Variants in ARL15 observed in about 807,000 individuals in gnomAD.
The protein encoded by ARL15 is ARF like GTPase 15, also known as ADP-ribosylation factor-like protein 15.
In ARL15, 19 loss-of-function variants were observed where a neutral mutation model predicts 25.2. That is an observed-to-expected ratio of 0.75 (90% CI 0.53 to 1.10). The LOEUF (loss-of-function observed/expected upper bound fraction) is 1.10. ARL15 is among the 50% of genes least tolerant of loss of function. The pLI is 0.00. For synonymous variants in ARL15, 94 were observed against 86.8 expected (o/e 1.08, Z -0.46); for missense variants, 220 against 246.0 (o/e 0.89, Z 0.71).
intron 4 of ARL15, among the ~76,000 whole-genome samples, chr5:54,071,751 T>C (rs570600486): frequency 6.6e-6 from 1 of 151,818 alleles, no homozygotes; most frequent in East Asian, 1.9e-4. Context: ...GTGGGCAGAT[T>C]ACGAGGTCAG....
At chr5:54,160,704 T>C (rs966905019) in intron 2 of ARL15, among the ~76,000 whole-genome samples, 1 of 152,180 alleles carries the variant, frequency 6.6e-6, no homozygotes, top group African/African-American at 2.4e-5. Flanking sequence ...TTTAAGTATC[T>C]TTTAAAAATT....
intron 1 of ARL15, among the ~76,000 whole-genome samples, chr5:54,217,084 CCA>C (rs1417296976): frequency 1.3e-5 from 2 of 151,898 alleles, no homozygotes; most frequent in Non-Finnish European, 2.9e-5. Flanking sequence ...AACAGTTAAG[CCA>C]CAGTTTTCTT....
intron 1 of ARL15, among the ~76,000 whole-genome samples, chr5:54,237,234 C>T (rs958770395): frequency 5.9e-5 from 9 of 152,214 alleles, no homozygotes; most frequent in African/African-American, 2.2e-4. Flanking sequence ...TTGCCTGCCA[C>T]CATGCAAGGC....
rs75382024 is a variant in ARL15 at position 53,912,682 on chromosome 5, T to A, written c.463-25969A>T. On this transcript the variant is annotated intron_variant, in intron 4 of 4. Coordinates refer to ENST00000504924, the MANE Select transcript of ARL15 (RefSeq NM_019087.3). Reference sequence around the variant, plus strand: ...GATATGATCAAGGTTGATTGGTGGCTTCCCACATATCATGTGAGGTCCACA... The same window carrying A: ...GATATGATCAAGGTTGATTGGTGGCATCCCACATATCATGTGAGGTCCACA... Among the ~76,000 whole-genome samples, 763 of 152,308 alleles carry A rather than the reference T, an allele frequency of 5.0e-3. 9 individuals carry two copies. Among genetic ancestry groups the A allele is most frequent in the East Asian group, 0.036 (185 of 5,174 alleles).
chr5:54,242,329 A>G (rs954060253), intron 1 of ARL15, among the ~76,000 whole-genome samples: 8 of 152,192 alleles, frequency 5.3e-5, no homozygotes, highest in Non-Finnish European at 1.0e-4. Flanking sequence ...AAGGCCTTCT[A>G]TACTTTTCTT....
At chr5:54,211,907 G>T (rs1186857971) in intron 1 of ARL15, among the ~76,000 whole-genome samples, 1 of 152,178 alleles carries the variant, frequency 6.6e-6, no homozygotes, top group Non-Finnish European at 1.5e-5. Context: ...TACTTAACCA[G>T]AAAAGAGTAA....
At chr5:54,193,420 A>T (rs1337646553) in intron 1 of ARL15, among the ~76,000 whole-genome samples, 2 of 152,190 alleles carry the variant, frequency 1.3e-5, no homozygotes, top group Non-Finnish European at 2.9e-5. Context: ...CAGGCCTCAC[A>T]GCAGGAGGTA....
chr5:54,028,894 C>T (rs918920629), intron 4 of ARL15, among the ~76,000 whole-genome samples: 6 of 152,060 alleles, frequency 3.9e-5, no homozygotes, highest in African/African-American at 1.2e-4. Flanking sequence ...TGGTGGTATG[C>T]GCCTATAGTC....
At chr5:54,063,864 C>T (rs1447639181) in intron 4 of ARL15, among the ~76,000 whole-genome samples, 3 of 152,210 alleles carry the variant, frequency 2.0e-5, no homozygotes, top group East Asian at 1.9e-4. Flanking sequence ...CCATTAGCAG[C>T]GCCTATGATG....
At chr5:54,159,107 A>G (rs951382619) in intron 2 of ARL15, among the ~76,000 whole-genome samples, 9 of 152,192 alleles carry the variant, frequency 5.9e-5, no homozygotes, top group Non-Finnish European at 8.8e-5. Context: ...TAATAAACCC[A>G]CTAATTCATT....
At chr5:54,215,076 T>C (rs772936034) in intron 1 of ARL15, among the ~76,000 whole-genome samples, 1 of 151,984 alleles carries the variant, frequency 6.6e-6, no homozygotes, top group Non-Finnish European at 1.5e-5. Context: ...ATCCTTCTTA[T>C]CACTTGAGGG....
At chr5:53,990,146 CA>C (rs1192087854) in intron 4 of ARL15, among the ~76,000 whole-genome samples, 1 of 151,858 alleles carries the variant, frequency 6.6e-6, no homozygotes, top group Admixed American at 6.6e-5. Context: ...CAGGATCGCT[CA>C]AGCCCAGGTC....
At chr5:53,971,297 A>C (rs1456614565) in intron 4 of ARL15, among the ~76,000 whole-genome samples, 5 of 152,164 alleles carry the variant, frequency 3.3e-5, no homozygotes, top group African/African-American at 9.7e-5. Flanking sequence ...AAAGATGTTG[A>C]TTCTCCTTGG....
chr5:54,175,660 T>C (rs156833), intron 1 of ARL15, among the ~76,000 whole-genome samples: 93,298 of 142,506 alleles, frequency 0.65, 29,581 homozygotes, highest in East Asian at 0.98. Flanking sequence ...TTTTCTCTCT[T>C]TTTTTTTTTT....
At chr5:54,098,664 A>G (rs1000733315) in intron 4 of ARL15, among the ~76,000 whole-genome samples, 1 of 152,222 alleles carries the variant, frequency 6.6e-6, no homozygotes, top group African/African-American at 2.4e-5. Context: ...CTGATTTATT[A>G]TAAGGAATAC....
intron 4 of ARL15, among the ~76,000 whole-genome samples, chr5:54,112,532 A>G (rs144307324): frequency 6.6e-6 from 1 of 152,218 alleles, no homozygotes; most frequent in African/African-American, 2.4e-5. Flanking sequence ...GTTATAATTC[A>G]CTATAATTTA....
At chr5:54,264,864 C>A (rs1178317074) in intron 1 of ARL15, among the ~76,000 whole-genome samples, 1 of 152,112 alleles carries the variant, frequency 6.6e-6, no homozygotes, top group Non-Finnish European at 1.5e-5. Flanking sequence ...CTATTTTTTC[C>A]CCAAAGCAAT....
chr5:54,129,724 C>T (rs149186289), intron 3 of ARL15, among the ~76,000 whole-genome samples: 1 of 152,104 alleles, frequency 6.6e-6, no homozygotes, highest in Admixed American at 6.5e-5. Context: ...GTCTGATGAA[C>T]GCCATTACCA....
chr5:54,131,788 A>G (rs569899766), intron 3 of ARL15, among the ~76,000 whole-genome samples: 3 of 152,188 alleles, frequency 2.0e-5, no homozygotes, highest in African/African-American at 7.2e-5. Flanking sequence ...ATTCTAGCCC[A>G]GCTACTCGGG....
Sources: allele counts gnomAD v4.1 joint callset (sites outside exome capture counted in the v4.1 genomes callset), GRCh38; gene constraint gnomAD v4.1.1; transcripts MANE v1.5; gene names NCBI Gene and HGNC (gene_info 2026-07-23, HGNC 2026-07-21).